Variants in CFAP299 observed in about 807,000 individuals in gnomAD.
CFAP299 encodes cilia and flagella associated protein 299.
In CFAP299, 21 loss-of-function variants were observed where a neutral mutation model predicts 27.0. That is an observed-to-expected ratio of 0.78 (90% CI 0.55 to 1.12). CFAP299 has a LOEUF of 1.12. Ranked by LOEUF, CFAP299 falls within the 50% of genes most tolerant of loss-of-function variation. The pLI, the probability that CFAP299 is intolerant of heterozygous loss-of-function variation, is 0.00. For synonymous variants in CFAP299, 104 were observed against 98.1 expected, an observed-to-expected ratio of 1.06 and a Z score of -0.36; for missense variants, 310 against 276.6, an observed-to-expected ratio of 1.12 and a Z score of -0.86.
At chr4:80,670,686 T>G (rs2109992748) in intron 3 of CFAP299, among the ~76,000 whole-genome samples, 1 of 152,334 alleles carries the variant, frequency 6.6e-6, no homozygotes, top group Middle Eastern at 3.4e-3. Context: ...CCATTCTAAC[T>G]GGTGTGAGAT....
chr4:80,873,742 T>C (rs1023864296), intron 4 of CFAP299, among the ~76,000 whole-genome samples: 26 of 152,342 alleles, frequency 1.7e-4, no homozygotes, highest in African/African-American at 6.0e-4. Context: ...GAATCACTTA[T>C]AAGCTCCGCA....
chr4:80,929,713 A>G (rs967546258), intron 4 of CFAP299, among the ~76,000 whole-genome samples: 2 of 151,966 alleles, frequency 1.3e-5, no homozygotes, highest in Non-Finnish European at 2.9e-5. Flanking sequence ...TTCATCACCC[A>G]TTGCCAGGAT....
chr4:80,693,006 C>T (rs761326481), intron 3 of CFAP299, among the ~76,000 whole-genome samples: 14 of 152,372 alleles, frequency 9.2e-5, no homozygotes, highest in South Asian at 6.2e-4. Context: ...GATACCATCT[C>T]ACACGAGTTA....
At chr4:80,776,450 C>T (rs72866752) in intron 3 of CFAP299, among the ~76,000 whole-genome samples, 1,618 of 152,134 alleles carry the variant, frequency 0.011, 29 homozygotes, top group African/African-American at 0.036. Flanking sequence ...ATGAAGATTA[C>T]GGTCCATGTC....
chr4:80,735,333 T>C (rs1021721988), intron 3 of CFAP299, among the ~76,000 whole-genome samples: 6 of 152,156 alleles, frequency 3.9e-5, no homozygotes, highest in African/African-American at 1.2e-4. Flanking sequence ...TAATAGTTTT[T>C]TTGGTGGAGT....
At chr4:80,866,008 T>C (rs78049291) in intron 3 of CFAP299, among the ~76,000 whole-genome samples, 3 of 144,490 alleles carry the variant, frequency 2.1e-5, no homozygotes, top group East Asian at 4.3e-4. Context: ...ACATGGTACA[T>C]GTATACATAT....
chr4:80,812,630 C>T (rs965034615), intron 3 of CFAP299, among the ~76,000 whole-genome samples: 2 of 152,086 alleles, frequency 1.3e-5, no homozygotes, highest in Non-Finnish European at 2.9e-5. Flanking sequence ...AACTTGCAGT[C>T]TAGTGCAGAC....
At chr4:80,456,256 C>CATA (rs1162600680) in intron 2 of CFAP299, among the ~76,000 whole-genome samples, 3 of 152,066 alleles carry the variant, frequency 2.0e-5, no homozygotes, top group African/African-American at 7.2e-5. Context: ...CATGGCAAGA[C>CATA]ATAATGTACC....
At chr4:80,847,595 T>C (rs1416680213) in intron 3 of CFAP299, among the ~76,000 whole-genome samples, 1 of 152,242 alleles carries the variant, frequency 6.6e-6, no homozygotes, top group East Asian at 1.9e-4. Context: ...ATCTGACTGA[T>C]GCACTAACTA....
chr4:80,362,141 T>A (rs1393941124), intron 1 of CFAP299, among the ~76,000 whole-genome samples: 9 of 151,666 alleles, frequency 5.9e-5, no homozygotes, highest in African/African-American at 2.2e-4. Flanking sequence ...CAATTTGAAA[T>A]TTTTTTGTGG....
At chr4:80,352,550 G>A (rs142023155) in intron 1 of CFAP299, among the ~76,000 whole-genome samples, 220 of 152,308 alleles carry the variant, frequency 1.4e-3, no homozygotes, top group African/African-American at 4.9e-3. Context: ...TTGGGCGACA[G>A]AGTGAGACTC....
At chr4:80,547,100 A>G (rs1049023464) in intron 2 of CFAP299, among the ~76,000 whole-genome samples, 3 of 152,116 alleles carry the variant, frequency 2.0e-5, no homozygotes, top group Admixed American at 1.3e-4. Context: ...GAACAAAGCC[A>G]GAGGCATAAC....
chr4:80,705,732 T>TA (rs1374221459), intron 3 of CFAP299, among the ~76,000 whole-genome samples: 18 of 151,818 alleles, frequency 1.2e-4, no homozygotes, highest in South Asian at 2.1e-4. Context: ...ATTTTTAAAT[T>TA]AAAAAATCAG....
chr4:80,928,113 C>T (rs562701260), intron 4 of CFAP299, among the ~76,000 whole-genome samples: 1 of 152,138 alleles, frequency 6.6e-6, no homozygotes, highest in African/African-American at 2.4e-5. Context: ...GTCTCTCCCC[C>T]AGCGTTCTGT....
At chr4:80,836,718 T>G (rs1206395502) in intron 3 of CFAP299, among the ~76,000 whole-genome samples, 1 of 152,200 alleles carries the variant, frequency 6.6e-6, no homozygotes, top group Non-Finnish European at 1.5e-5. Context: ...TTAGAGGTTC[T>G]GGAGATTAGG....
chr4:80,380,422 A>AT (rs10701207), intron 2 of CFAP299, among the ~76,000 whole-genome samples: 45,750 of 96,086 alleles, frequency 0.48, 12,896 homozygotes, highest in East Asian at 0.58. Flanking sequence ...TGTGTCTCAC[A>AT]TTTTTTTTTT....
intron 3 of CFAP299, among the ~76,000 whole-genome samples, chr4:80,710,502 A>ATTT (rs1722090930): frequency 2.1e-4 from 5 of 23,366 alleles, no homozygotes; most frequent in African/African-American, 3.6e-4. Flanking sequence ...TTTTTTTTTA[A>ATTT]AAAAAAAAAG....
At chr4:80,404,235 TAC>T (rs781293921) in intron 2 of CFAP299, among the ~76,000 whole-genome samples, 81 of 151,396 alleles carry the variant, frequency 5.4e-4, no homozygotes, top group East Asian at 1.7e-3. Flanking sequence ...TATATATATA[TAC>T]ACACACACAC....
chr4:80,372,489 CTCTGGAGTTGTGAG>C (rs1724196154), intron 2 of CFAP299, among the ~76,000 whole-genome samples: 1 of 152,234 alleles, frequency 6.6e-6, no homozygotes, highest in Admixed American at 6.5e-5. Flanking sequence ...AAAAGCCAAA[CTCTGGAGTTGTGAG>C]AAAATATATT....
Sources: gnomAD v4.1 joint callset for allele counts (sites outside exome capture counted in the v4.1 genomes callset) on GRCh38, gnomAD v4.1.1 for gene constraint, MANE v1.5 for transcripts, NCBI Gene and HGNC (gene_info 2026-07-23, HGNC 2026-07-21) for gene names.